Variants in DCAF5 observed in about 807,000 individuals in gnomAD.
The protein encoded by DCAF5 is DDB1 and CUL4 associated factor 5.
Under a neutral mutation model 80.7 loss-of-function variants are expected in DCAF5, and 9 were observed. That is an observed-to-expected ratio of 0.11 (90% CI 0.07 to 0.19). The LOEUF (loss-of-function observed/expected upper bound fraction) is 0.19. Ranked by LOEUF, DCAF5 falls within the 10% of genes least tolerant of loss-of-function variation. The probability of loss-of-function intolerance (pLI) is 1.00; values close to 1 mark genes in which losing one functional copy is unlikely to be tolerated. For synonymous variants in DCAF5, 433 were observed against 461.9 expected (o/e 0.94, Z 0.80); for missense variants, 842 against 1,205.7 (o/e 0.70, Z 4.47).
In DCAF5 at chr14:69,118,046, C is replaced by CACAT; in HGVS notation, c.535+89_535+92dup. 6.6e-7 allele frequency: 1 copy of CACAT among 1,524,136 alleles called. No homozygotes were observed. Among genetic ancestry groups the CACAT allele is most frequent in the Middle Eastern group, 1.7e-4 (1 of 5,778 alleles). 94.4% of individuals were successfully genotyped at this position (1,524,136 alleles called of 1,614,324 possible). On this transcript the variant is annotated intron_variant, in intron 4 of 8. Transcript: ENST00000341516. The surrounding 1 kb of genome is among the most constrained non-coding windows in gnomAD (Gnocchi z 4.0). ...ATTTCCTTTCCCTTGACATCACTTG[C>CACAT]ACATAGATACTGAGGTAATAAATTG...
chr14:69,129,762 G>A (rs1157565619), intron 1 of DCAF5, among the ~76,000 whole-genome samples: 1 of 152,186 alleles, frequency 6.6e-6, no homozygotes, highest in Non-Finnish European at 1.5e-5. Flanking sequence ...CACCGGAGGT[G>A]GAGCACAGGG....
intron 5 of DCAF5, among the ~76,000 whole-genome samples, chr14:69,114,179 G>A (rs1242927124): frequency 6.6e-6 from 1 of 152,158 alleles, no homozygotes; most frequent in African/African-American, 2.4e-5. Flanking sequence ...CAATTTGACA[G>A]TTTCTATCAA....
chr14:69,083,524 G>A (rs572341947), intron 6 of DCAF5: 5 of 351,428 alleles, frequency 1.4e-5, no homozygotes, highest in South Asian at 1.2e-4. Flanking sequence ...AAATACAGAT[G>A]TGTCTGAAGA....
rs963766754 is a variant in DCAF5 at position 69,051,728 on chromosome 14, T to A, written c.*2129A>T. On this transcript the variant is annotated 3_prime_UTR_variant, in exon 9 of 9. Transcript: ENST00000341516. ...CTACTTCTTTTCAGGAAGATATGTA[T>A]CCGATTGTCCTTTGAGAAGTCAGAA... 2 of 152,554 alleles carry A rather than the reference T, an allele frequency of 1.3e-5. No homozygotes were observed. The highest frequency in any genetic ancestry group is 2.9e-5 in the Non-Finnish European group (2 of 68,046). 9.5% of individuals were successfully genotyped at this position (152,554 alleles called of 1,614,324 possible). A position where few individuals can be genotyped will look rare whatever the true frequency, so the allele number is the denominator to read the frequency against.
chr14:69,104,565 G>A (rs1434122357), intron 5 of DCAF5, among the ~76,000 whole-genome samples: 1 of 151,892 alleles, frequency 6.6e-6, no homozygotes, highest in African/African-American at 2.4e-5. Flanking sequence ...AGCAAAAGAA[G>A]TGAGAGATGG....
chr14:69,066,623 C>T (rs2038453939), intron 7 of DCAF5, among the ~76,000 whole-genome samples: 1 of 152,160 alleles, frequency 6.6e-6, no homozygotes, highest in South Asian at 2.1e-4. Context: ...CCACTTACTA[C>T]CGTAGGGGAC....
At chr14:69,146,110 T>A (rs1288075448) in intron 1 of DCAF5, among the ~76,000 whole-genome samples, 1 of 152,242 alleles carries the variant, frequency 6.6e-6, no homozygotes, top group Non-Finnish European at 1.5e-5. Context: ...GTACCTGGGC[T>A]GACACTTCCT....
chr14:69,056,873 A>G (rs2139830323), intron 8 of DCAF5, among the ~76,000 whole-genome samples: 1 of 152,156 alleles, frequency 6.6e-6, no homozygotes, highest in South Asian at 2.1e-4. Flanking sequence ...GCATCTCTCC[A>G]CCAGTTTCCA....
At chr14:69,080,177 T>C (rs1299714989) in intron 6 of DCAF5, among the ~76,000 whole-genome samples, 1 of 152,046 alleles carries the variant, frequency 6.6e-6, no homozygotes, top group Non-Finnish European at 1.5e-5. Context: ...CAGAGATACA[T>C]TTACTATCAT....
Position 69,119,423 on chromosome 14 carries a change from T to A in DCAF5, c.359-193A>T, listed in dbSNP as rs140467924. 8.1e-3 allele frequency among the ~76,000 whole-genome samples: 1,218 copies of A among 151,150 alleles called. 12 individuals carry two copies. The highest frequency in any genetic ancestry group is 0.027 in the African/African-American group (1,125 of 41,242). ...ATAGGACATTCTTACAGAGAATTTT[T>A]AAAAAATAATGGCATCCAAGTATAA... On this transcript the variant is annotated intron_variant, in intron 2 of 8. Coordinates refer to ENST00000341516, the MANE Select transcript of DCAF5 (RefSeq NM_003861.3).
rs896658917 is a variant in DCAF5 at position 69,052,546 on chromosome 14, A to T, written c.*1311T>A. ...CTTCCTGTTTTGCACAACCCTTCAT[A>T]GATAACCGAGTGACTGCAACGCTGA... On this transcript the variant is annotated 3_prime_UTR_variant, in exon 9 of 9. Coordinates refer to ENST00000341516, the MANE Select transcript of DCAF5 (RefSeq NM_003861.3). 6.6e-6 allele frequency: 1 copy of T among 152,640 alleles called. No individual in the cohort carries two copies. The highest frequency in any genetic ancestry group is 6.5e-5 in the Admixed American group (1 of 15,292). 9.5% of individuals were successfully genotyped at this position (152,640 alleles called of 1,614,324 possible). A position where few individuals can be genotyped will look rare whatever the true frequency, so the allele number is the denominator to read the frequency against.
chr14:69,051,940 C>A lies in DCAF5; in HGVS notation c.*1917G>T, dbSNP rs116087115. On this transcript the variant is annotated 3_prime_UTR_variant, in exon 9 of 9. Coordinates refer to ENST00000341516, the MANE Select transcript of DCAF5 (RefSeq NM_003861.3). ...TGTAAAATGACTTGGGCTTATAAAA[C>A]CAGCATTTACAATTATCTGTGAATA... The A allele has an allele frequency of 3.8e-3, 581 of 152,668 alleles. 5 individuals are homozygous for A. The highest frequency in any genetic ancestry group is 0.013 in the African/African-American group (560 of 41,532). The allele number at this position is 152,668 out of a possible 1,614,324, so 9.5% of individuals were successfully genotyped here. A position where few individuals can be genotyped will look rare whatever the true frequency, so the allele number is the denominator to read the frequency against.
chr14:69,092,198 C>T (rs1287873974), intron 5 of DCAF5, among the ~76,000 whole-genome samples: 1 of 152,170 alleles, frequency 6.6e-6, no homozygotes, highest in Non-Finnish European at 1.5e-5. Context: ...CCCAAGCTAA[C>T]TGCACAACCA....
chr14:69,055,229 A>C lies in DCAF5; in HGVS notation c.1457T>G (p.Leu486Arg), dbSNP rs771580163. 3 of 1,613,902 alleles carry C rather than the reference A, an allele frequency of 1.9e-6. No individual in the cohort carries two copies. The African/African-American group carries it at 4.0e-5, about 22-fold the overall frequency. The change falls in exon 9 of 9, where the codon CTG becomes CGG. Residue 486 changes from leucine (L) to arginine (R), a missense_variant. Leu to Arg is a moderately radical substitution (Grantham distance 102, BLOSUM62 -2). Coordinates refer to ENST00000341516, the MANE Select transcript of DCAF5 (RefSeq NM_003861.3). The surrounding 1 kb of genome is among the most constrained non-coding windows in gnomAD (Gnocchi z 5.6). ...TACTGTGTTTGTGGTGGTGACCCGC[A>C]GGGGCCCCAGGTGGAAGGCGTTGTC... ...SADNAFHLGP[L>R]RVTTTNTVAS... is the part of the protein sequence containing the mutation.
At chr14:69,103,143 T>C (rs372957458) in intron 5 of DCAF5, among the ~76,000 whole-genome samples, 5 of 152,188 alleles carry the variant, frequency 3.3e-5, no homozygotes, top group East Asian at 1.9e-4. Context: ...TCTCAACACA[T>C]ACCAATGAGT....
chr14:69,092,382 T>C (rs1238982707), intron 5 of DCAF5, among the ~76,000 whole-genome samples: 1 of 152,158 alleles, frequency 6.6e-6, no homozygotes, highest in African/African-American at 2.4e-5. Flanking sequence ...TTTGGGAGTC[T>C]GAGGCAGGAG....
intron 7 of DCAF5, among the ~76,000 whole-genome samples, chr14:69,063,064 C>T (rs1594932800): frequency 1.3e-5 from 2 of 152,100 alleles, no homozygotes; most frequent in East Asian, 1.9e-4. Flanking sequence ...CTTTTCCCCC[C>T]GATAGCAGGG....
At chr14:69,119,151 A>G (rs765124057) in intron 3 of DCAF5, 43 bp downstream of exon 3, 2 of 1,598,370 alleles carry the variant, frequency 1.3e-6, no homozygotes, top group East Asian at 2.2e-5. Context: ...TTCATATATG[A>G]AAAACAAAGT....
chr14:69,153,178 A>G, upstream of DCAF5: 1 of 425,916 alleles, frequency 2.3e-6, no homozygotes, highest in Non-Finnish European at 4.1e-6. Flanking sequence ...CTTCCCCCCG[A>G]GGCTCCTCCC....
Sources: gnomAD v4.1 joint callset for allele counts (sites outside exome capture counted in the v4.1 genomes callset) on GRCh38, gnomAD v4.1.1 for gene constraint, Gnocchi (gnomAD v3.1) non-coding constraint, MANE v1.5 for transcripts, NCBI Gene and HGNC (gene_info 2026-07-23, HGNC 2026-07-21) for gene names.